The following CAMTA1 variants were observed in gnomAD, a reference collection of about 807,000 sequenced individuals.
CAMTA1 encodes calmodulin binding transcription activator 1.
Under a neutral mutation model 170.9 loss-of-function variants are expected in CAMTA1, and 27 were observed. The ratio of observed to expected loss-of-function variants is 0.16; its 90% CI spans 0.12 to 0.22. CAMTA1 has a LOEUF of 0.22. CAMTA1 is among the 10% of genes least tolerant of loss of function. The probability of loss-of-function intolerance (pLI) is 1.00; values close to 1 mark genes in which losing one functional copy is unlikely to be tolerated. For synonymous variants in CAMTA1, 833 were observed against 891.5 expected (o/e 0.93, Z 1.17); for missense variants, 1,619 against 2,217.2 (o/e 0.73, Z 5.42).
chr1:6,817,783 C>T (rs927567123), intron 1 of CAMTA1, among the ~76,000 whole-genome samples: 2 of 152,164 alleles, frequency 1.3e-5, no homozygotes, highest in Admixed American at 1.3e-4. Flanking sequence ...CAGGCGTGAG[C>T]CACTGTGCCT....
At chr1:7,165,568 A>G (rs1229425270) in intron 4 of CAMTA1, among the ~76,000 whole-genome samples, 1 of 152,044 alleles carries the variant, frequency 6.6e-6, no homozygotes, top group African/African-American at 2.4e-5. Flanking sequence ...AGTAGCTGAG[A>G]CTACAGGCAC....
intron 3 of CAMTA1, among the ~76,000 whole-genome samples, chr1:6,919,478 G>A (rs1057055844): frequency 6.6e-6 from 1 of 152,224 alleles, no homozygotes; most frequent in African/African-American, 2.4e-5. Context: ...TATATTTTAA[G>A]AGGTAGATCT....
chr1:7,519,997 A>G (rs2094339041), intron 6 of CAMTA1, among the ~76,000 whole-genome samples: 1 of 150,872 alleles, frequency 6.6e-6, no homozygotes, highest in Non-Finnish European at 1.5e-5. Context: ...GGGAGCTTCT[A>G]AAACACATCA....
chr1:6,993,272 A>G (rs958163783), intron 3 of CAMTA1, among the ~76,000 whole-genome samples: 5 of 152,104 alleles, frequency 3.3e-5, no homozygotes, highest in African/African-American at 9.7e-5. Context: ...TTTCATTAGG[A>G]TAGTGTTATA....
intron 6 of CAMTA1, among the ~76,000 whole-genome samples, chr1:7,472,644 C>G (rs1474950912): frequency 1.3e-5 from 2 of 152,174 alleles, no homozygotes; most frequent in Admixed American, 6.5e-5. Flanking sequence ...GAAAGTGGGA[C>G]AGCTGCTGGG....
chr1:7,068,692 T>TCAGCTCC (rs1709284257), intron 3 of CAMTA1, among the ~76,000 whole-genome samples: 2 of 152,238 alleles, frequency 1.3e-5, no homozygotes, highest in South Asian at 2.1e-4. Flanking sequence ...TCCGGCCAAT[T>TCAGCTCC]CAGCTCCCAG....
intron 4 of CAMTA1, among the ~76,000 whole-genome samples, chr1:7,133,208 T>C (rs958456297): frequency 1.3e-5 from 2 of 152,192 alleles, no homozygotes; most frequent in East Asian, 3.8e-4. Flanking sequence ...ATACCAGTTA[T>C]CTGGGCCTGG....
chr1:7,744,152 G>A (rs1428462304), intron 16 of CAMTA1, among the ~76,000 whole-genome samples: 1 of 108,228 alleles, frequency 9.2e-6, no homozygotes, highest in Non-Finnish European at 1.8e-5. Context: ...TTTTTTTTGA[G>A]TTGGAGTCTC....
chr1:7,199,186 C>T (rs1656164869), intron 4 of CAMTA1, among the ~76,000 whole-genome samples: 1 of 152,186 alleles, frequency 6.6e-6, no homozygotes, highest in Non-Finnish European at 1.5e-5. Flanking sequence ...AGAGGACAGG[C>T]GAGGCCTGGG....
At chr1:6,999,462 C>A (rs1330050804) in intron 3 of CAMTA1, among the ~76,000 whole-genome samples, 1 of 152,282 alleles carries the variant, frequency 6.6e-6, no homozygotes, top group East Asian at 1.9e-4. Context: ...TGGCTCACTG[C>A]AACCTCTGCC....
chr1:7,761,707 A>C (rs2096977431), intron 22 of CAMTA1, among the ~76,000 whole-genome samples: 1 of 152,228 alleles, frequency 6.6e-6, no homozygotes, highest in South Asian at 2.1e-4. Context: ...GGTAATGTTA[A>C]TGAAACCAGT....
At chr1:7,106,071 A>G (rs528315473) in intron 4 of CAMTA1, among the ~76,000 whole-genome samples, 1 of 152,296 alleles carries the variant, frequency 6.6e-6, no homozygotes. Flanking sequence ...TATTTCTTTT[A>G]GACCTGGTTT....
chr1:7,572,465 G>T (rs996866365), intron 6 of CAMTA1, among the ~76,000 whole-genome samples: 2 of 152,022 alleles, frequency 1.3e-5, no homozygotes, highest in African/African-American at 2.4e-5. Flanking sequence ...GGGTTTTTAT[G>T]GTTTTAGGTC....
In CAMTA1 at chr1:7,014,416, G is replaced by C. The variant is rs1037698709; in HGVS notation, c.235-76888G>C. The C allele has an allele frequency of 6.6e-6, 1 of 152,418 alleles. No homozygotes were observed. The allele number at this position is 152,418 out of a possible 1,614,324, so 9.4% of individuals were successfully genotyped here. A position where few individuals can be genotyped will look rare whatever the true frequency, so the allele number is the denominator to read the frequency against. ...TCAACCGTGAACAAGCTGGAGACTG[G>C]CTCCTTCTTCCTGGGGATCCCAGCG... is the stretch of plus-strand genomic sequence containing the variant. On this transcript the variant is annotated intron_variant, in intron 3 of 22. Transcript: ENST00000303635. The surrounding 1 kb of genome is among the most constrained non-coding windows in gnomAD (Gnocchi z 4.2).
At chr1:7,362,882 G>T (rs1168096424) in intron 5 of CAMTA1, among the ~76,000 whole-genome samples, 1 of 151,986 alleles carries the variant, frequency 6.6e-6, no homozygotes, top group Non-Finnish European at 1.5e-5. Context: ...GGTAGAGGTG[G>T]TGGCTTTGGA....
intron 5 of CAMTA1, among the ~76,000 whole-genome samples, chr1:7,408,589 G>T (rs1489721413): frequency 1.3e-5 from 2 of 152,328 alleles, no homozygotes; most frequent in South Asian, 2.1e-4. Flanking sequence ...GCCCTGGCTG[G>T]AGTCTCCCTG....
chr1:6,862,077 C>T (rs1664932635), intron 3 of CAMTA1, among the ~76,000 whole-genome samples: 1 of 152,014 alleles, frequency 6.6e-6, no homozygotes, highest in Non-Finnish European at 1.5e-5. Flanking sequence ...ATTCTCCTGC[C>T]TCAGCCTCCT....
chr1:7,175,256 G>T (rs1242818140), intron 4 of CAMTA1, among the ~76,000 whole-genome samples: 1 of 133,904 alleles, frequency 7.5e-6, no homozygotes, highest in East Asian at 2.2e-4. Flanking sequence ...CCACGGTGCG[G>T]CTGGCAGTTT....
intron 5 of CAMTA1, among the ~76,000 whole-genome samples, chr1:7,327,956 T>G (rs1490465104): frequency 2.6e-5 from 4 of 152,200 alleles, no homozygotes; most frequent in South Asian, 2.1e-4. Context: ...TTGTTTGTTT[T>G]TTTTTCCCTC....
Sources: allele counts gnomAD v4.1 joint callset (sites outside exome capture counted in the v4.1 genomes callset), GRCh38; gene constraint gnomAD v4.1.1; non-coding constraint Gnocchi (gnomAD v3.1); transcripts MANE v1.5; gene names NCBI Gene and HGNC (gene_info 2026-07-23, HGNC 2026-07-21).